PAPPA2: variants seen among roughly 807,000 people sequenced by gnomAD.
The protein encoded by PAPPA2 is pappalysin 2.
Under a neutral mutation model 176.4 loss-of-function variants are expected in PAPPA2, and 86 were observed. That is an observed-to-expected ratio of 0.49 (90% CI 0.41 to 0.58). PAPPA2 has a LOEUF of 0.58. PAPPA2 is among the 20% of genes least tolerant of loss of function. The probability of loss-of-function intolerance (pLI) is 0.00; values close to 1 mark genes in which losing one functional copy is unlikely to be tolerated. For missense variants in PAPPA2, 2,073 were observed against 2,256.9 expected, an observed-to-expected ratio of 0.92 and a Z score of 1.65; for synonymous variants, 809 against 852.2, an observed-to-expected ratio of 0.95 and a Z score of 0.88.
intron 17 of PAPPA2, among the ~76,000 whole-genome samples, chr1:176,778,191 A>T (rs927053036): frequency 4.7e-5 from 7 of 148,652 alleles, no homozygotes; most frequent in Admixed American, 3.3e-4. Flanking sequence ...TTATTAAATT[A>T]AAAAAAAATG....
chr1:176,739,761 G>C lies in PAPPA2; in HGVS notation c.3934G>C (p.Gly1312Arg). The change falls in exon 13 of 23, where the codon GGA becomes CGA. Residue 1312 changes from glycine (G) to arginine (R), a missense_variant and splice_region_variant. Transcript: ENST00000367662. ...TDVRGSNHSL[G>R]TYGLSCQHNP... Reference sequence around the variant, plus strand: ...TGTCCGTGGAAGCAACCACTCTCTTGGTGAGTCTGACAAATATCCCTTTAG... The same window carrying C: ...TGTCCGTGGAAGCAACCACTCTCTTCGTGAGTCTGACAAATATCCCTTTAG... The C allele has an allele frequency of 6.2e-7, 1 of 1,613,342 alleles. No individual in the cohort carries two copies. Among genetic ancestry groups the C allele is most frequent in the Non-Finnish European group, 8.5e-7 (1 of 1,179,700 alleles).
At chr1:176,796,525 C>T (rs1665431295) in intron 20 of PAPPA2, among the ~76,000 whole-genome samples, 1 of 152,182 alleles carries the variant, frequency 6.6e-6, no homozygotes, top group South Asian at 2.1e-4. Flanking sequence ...TTTAACAAGA[C>T]ATTTAACCAG....
chr1:176,788,156 T>C (rs569810703), intron 17 of PAPPA2, among the ~76,000 whole-genome samples: 52 of 152,364 alleles, frequency 3.4e-4, no homozygotes, highest in Admixed American at 1.2e-3. Flanking sequence ...GTACCTGACA[T>C]GCTGTTAGTT....
chr1:176,712,110 G>T, intron 12 of PAPPA2, 129 bp downstream of exon 12: 1 of 1,142,046 alleles, frequency 8.8e-7, no homozygotes, highest in South Asian at 2.0e-5. Flanking sequence ...TTATCTCAAA[G>T]TGTTAATATT....
chr1:176,615,339 C>G (rs933456002), intron 3 of PAPPA2, among the ~76,000 whole-genome samples: 2 of 152,150 alleles, frequency 1.3e-5, no homozygotes, highest in Non-Finnish European at 2.9e-5. Context: ...GAGACGGAGT[C>G]TTGCTCTGTC....
At chr1:176,686,023 C>T (rs1488192936) in intron 4 of PAPPA2, among the ~76,000 whole-genome samples, 2 of 152,118 alleles carry the variant, frequency 1.3e-5, no homozygotes. Context: ...GTATGTGTGT[C>T]TGTGAGTGAT....
At chr1:176,662,051 G>C (rs565569285) in intron 3 of PAPPA2, among the ~76,000 whole-genome samples, 1 of 152,110 alleles carries the variant, frequency 6.6e-6, no homozygotes, top group Non-Finnish European at 1.5e-5. Flanking sequence ...CGTGTCTTCT[G>C]TATCTTTTCA....
In PAPPA2 at chr1:176,700,857, A is replaced by C. The variant is rs571442615; in HGVS notation, c.3236+1268A>C. ...ATAGCTACAGAAAAAGTAGAGAAAA[A>C]TGTCCACCTTGAGCTTCATTACATT... On this transcript the variant is annotated intron_variant, in intron 8 of 22. Transcript: ENST00000367662. 3.9e-5 allele frequency among the ~76,000 whole-genome samples: 6 copies of C among 152,266 alleles called. No homozygotes were observed. In the East Asian group the frequency reaches 1.2e-3, roughly 29 times the overall value.
intron 4 of PAPPA2, among the ~76,000 whole-genome samples, chr1:176,672,716 A>G (rs1029548052): frequency 2.6e-5 from 4 of 152,226 alleles, no homozygotes; most frequent in Non-Finnish European, 4.4e-5. Context: ...ATATATACAC[A>G]TATATGCATA....
At chr1:176,741,361 G>C (rs1175689969) in intron 14 of PAPPA2, among the ~76,000 whole-genome samples, 2 of 152,158 alleles carry the variant, frequency 1.3e-5, no homozygotes, top group Admixed American at 6.6e-5. Flanking sequence ...CAGTGAGCAT[G>C]CTCACATAGA....
chr1:176,594,293 ATGAG>A (rs1653822905), intron 2 of PAPPA2, among the ~76,000 whole-genome samples: 2 of 152,240 alleles, frequency 1.3e-5, no homozygotes, highest in Admixed American at 1.3e-4. Flanking sequence ...ACATACCAGA[ATGAG>A]TTAACTTGGG....
At chr1:176,786,731 G>A (rs1174106547) in intron 17 of PAPPA2, among the ~76,000 whole-genome samples, 1 of 152,190 alleles carries the variant, frequency 6.6e-6, no homozygotes, top group African/African-American at 2.4e-5. Flanking sequence ...CATCCTGCCT[G>A]CAGGGTTTAC....
chr1:176,605,849 T>TC (rs973596768), intron 3 of PAPPA2, among the ~76,000 whole-genome samples: 1 of 152,186 alleles, frequency 6.6e-6, no homozygotes, highest in Non-Finnish European at 1.5e-5. Flanking sequence ...AGCTGGTTTT[T>TC]CATCTTTACT....
At chr1:176,774,351 T>C (rs1664359036) in intron 17 of PAPPA2, among the ~76,000 whole-genome samples, 1 of 152,174 alleles carries the variant, frequency 6.6e-6, no homozygotes, top group African/African-American at 2.4e-5. Flanking sequence ...CCTATGGATA[T>C]TGCTGCTTGG....
chr1:176,638,940 G>A (rs769951727), intron 3 of PAPPA2, among the ~76,000 whole-genome samples: 3 of 37,824 alleles, frequency 7.9e-5, no homozygotes, highest in Admixed American at 1.8e-4. Flanking sequence ...GTGCATGTGC[G>A]TGTGTGTGTG....
chr1:176,718,201 A>C (rs1661458587), intron 12 of PAPPA2, among the ~76,000 whole-genome samples: 1 of 152,124 alleles, frequency 6.6e-6, no homozygotes, highest in Non-Finnish European at 1.5e-5. Context: ...CCCTTAAAAA[A>C]ATCTAAAATA....
intron 12 of PAPPA2, among the ~76,000 whole-genome samples, chr1:176,721,461 C>T (rs903281374): frequency 1.3e-5 from 2 of 152,080 alleles, no homozygotes; most frequent in Non-Finnish European, 2.9e-5. Flanking sequence ...TTAATGTGGG[C>T]CTGCTGGCAA....
At position 176,739,719 on chromosome 1, in the gene PAPPA2, ACT is replaced by A; in HGVS notation, c.3897_3898del (p.Tyr1300ProfsTer21). The A allele has an allele frequency of 5.0e-6, 8 of 1,613,600 alleles. No individual in the cohort carries two copies. The highest frequency in any genetic ancestry group is 6.8e-6 in the Non-Finnish European group (8 of 1,179,792). On this transcript the variant is annotated frameshift_variant, in exon 13 of 23. Coordinates refer to ENST00000367662, the MANE Select transcript of PAPPA2 (RefSeq NM_020318.3). LOFTEE classifies it high-confidence loss of function. ...VPGEHQQPTV[T>X]LYLTDVRGSN... ...CGGAGAGCATCAGCAGCCGACAGTG[ACT>A]CTCTACCTGACCGATGTCCGTGGAA...
chr1:176,496,180 G>T (rs1294934890), intron 1 of PAPPA2, among the ~76,000 whole-genome samples: 1 of 152,122 alleles, frequency 6.6e-6, no homozygotes, highest in Non-Finnish European at 1.5e-5. Context: ...CCATGTTGGT[G>T]TGCTGCACCC....
Sources: gnomAD v4.1 joint callset for allele counts (sites outside exome capture counted in the v4.1 genomes callset) on GRCh38, gnomAD v4.1.1 for gene constraint, MANE v1.5 for transcripts, NCBI Gene and HGNC (gene_info 2026-07-23, HGNC 2026-07-21) for gene names.